TLE6: variants seen among roughly 807,000 people sequenced by gnomAD.
TLE6 encodes the protein transducin-like enhancer protein 6.
TLE6 carries 72 observed loss-of-function variants against 77.1 expected under a neutral mutation model. The observed-to-expected ratio is 0.93, with a 90% confidence interval of 0.77 to 1.14. TLE6 has a LOEUF of 1.14. Ranked by LOEUF, TLE6 falls within the 50% of genes most tolerant of loss-of-function variation. TLE6 has a pLI of 0.00. For missense variants in TLE6, 843 were observed against 747.6 expected (o/e 1.13, Z -1.49); for synonymous variants, 366 against 287.3 (o/e 1.27, Z -2.77).
At chr19:2,991,006 T>TTACATACATACATACA (rs200186447) in intron 13 of TLE6, among the ~76,000 whole-genome samples, 9 of 103,080 alleles carry the variant, frequency 8.7e-5, no homozygotes, top group African/African-American at 2.8e-4. Context: ...AAAAAAAATT[T>TTACATACATACATACA]TACATACATA....
intron 5 of TLE6, among the ~76,000 whole-genome samples, chr19:2,986,071 CAAAAAAAAAAAAAAAAAAAAA>C (rs547031586): frequency 3.1e-4 from 13 of 41,274 alleles, no homozygotes; most frequent in South Asian, 4.2e-3. Flanking sequence ...GAGACTGTCT[CAAAAAAAAAAAAAAAAAAAAA>C]AAAAAAAAAA....
At chr19:2,985,575 ATT>A (rs1233284629) in intron 5 of TLE6, among the ~76,000 whole-genome samples, 78 of 125,328 alleles carry the variant, frequency 6.2e-4, no homozygotes, top group Middle Eastern at 4.2e-3. Flanking sequence ...TGCCTGGCTA[ATT>A]TTTTTTTTTT....
At chr19:2,991,411 C>T (rs1032978643) in intron 13 of TLE6, among the ~76,000 whole-genome samples, 6 of 147,954 alleles carry the variant, frequency 4.1e-5, no homozygotes, top group Admixed American at 2.0e-4. Flanking sequence ...CACACACACA[C>T]ACACACACAC....
chr19:2,982,140 C>A lies in TLE6; in HGVS notation c.181-8C>A, dbSNP rs1228289310. 1 of 1,551,526 alleles carries A rather than the reference C, an allele frequency of 6.4e-7. No homozygotes were observed. The highest frequency in any genetic ancestry group is 1.2e-5 in the South Asian group (1 of 84,050). ...CCTCCCGATGGGATCTCTGTTTTCC[C>A]TTTGCAGCTGCACAAGATCCAGCAG... is the stretch of plus-strand genomic sequence containing the variant. On this transcript the variant is annotated splice_region_variant and splice_polypyrimidine_tract_variant and intron_variant, in intron 4 of 16. Coordinates refer to ENST00000246112, the MANE Select transcript of TLE6 (RefSeq NM_001143986.2).
chr19:2,994,347 AC>A (rs1482458323), intron 16 of TLE6, among the ~76,000 whole-genome samples: 2 of 152,206 alleles, frequency 1.3e-5, no homozygotes, highest in African/African-American at 4.8e-5. Context: ...GCGGTGGCTC[AC>A]GCCTGTAATC....
chr19:2,983,199 G>A (rs948829593), intron 5 of TLE6, among the ~76,000 whole-genome samples: 4 of 152,138 alleles, frequency 2.6e-5, no homozygotes, highest in Non-Finnish European at 5.9e-5. Context: ...ACCAAAACAT[G>A]GTTATTCATT....
chr19:2,985,407 T>TTTTC, intron 5 of TLE6, among the ~76,000 whole-genome samples: 1 of 139,836 alleles, frequency 7.2e-6, no homozygotes, highest in Non-Finnish European at 1.6e-5. Context: ...GCCTTTTTTT[T>TTTTC]TTTTTTTTTT....
rs1201785096 is a variant in TLE6, at chr19:2,981,518, C to T, written c.135-20C>T. ...GTCCTGAAGCCACAGGTCTTCCAGC[C>T]TGTCCTCCTTCCCCCTCAGGTTTTC... On this transcript the variant is annotated intron_variant, in intron 3 of 16. Transcript: ENST00000246112. The T allele has an allele frequency of 6.4e-7, 1 of 1,551,454 alleles. No homozygotes were observed. Among genetic ancestry groups the T allele is most frequent in the Admixed American group, 2.0e-5 (1 of 50,968 alleles).
At chr19:2,988,889 A>T in intron 11 of TLE6, 172 bp from the exon 12 acceptor site, 2 of 958,718 alleles carry the variant, frequency 2.1e-6, no homozygotes, top group Non-Finnish European at 3.0e-6. Flanking sequence ...CAAAGGGACA[A>T]TACTTGAAGG....
chr19:2,992,668 G>C (rs1007327733), intron 14 of TLE6, among the ~76,000 whole-genome samples: 2 of 151,262 alleles, frequency 1.3e-5, no homozygotes, highest in African/African-American at 4.9e-5. Flanking sequence ...GCAGCTAGTT[G>C]GGAGGCTGAG....
At chr19:2,988,543 A>G (rs926571713) in intron 11 of TLE6, among the ~76,000 whole-genome samples, 1 of 152,066 alleles carries the variant, frequency 6.6e-6, no homozygotes, top group African/African-American at 2.4e-5. Flanking sequence ...GGTTGCAGTG[A>G]GTTGAGATCG....
At position 2,991,281 on chromosome 19, in the gene TLE6, C is replaced by T. The variant is rs924239178; in HGVS notation, c.1245-562C>T. The stretch of plus-strand genomic sequence containing the variant: ...GGCTGAGGCAGGAGAATCGCTTGAA[C>T]CCAGGAGGCAGAGGTTGCAGTGAGC... On this transcript the variant is annotated intron_variant, in intron 13 of 16. Transcript: ENST00000246112. Among the ~76,000 whole-genome samples the T allele has an allele frequency of 2.1e-4, 32 of 150,090 alleles. 1 individual carries two copies. The highest frequency in any genetic ancestry group is 7.8e-4 in the African/African-American group (32 of 40,822).
At chr19:2,989,356 A>AC in intron 12 of TLE6, 43 bp downstream of exon 12, 5 of 1,605,348 alleles carry the variant, frequency 3.1e-6, no homozygotes, top group Non-Finnish European at 4.3e-6. Flanking sequence ...GCTTCTGGGA[A>AC]CAGGGGGTTT....
intron 5 of TLE6, among the ~76,000 whole-genome samples, chr19:2,982,928 G>T (rs1262457163): frequency 1.3e-5 from 2 of 152,136 alleles, no homozygotes; most frequent in Non-Finnish European, 2.9e-5. Context: ...GGGGCCATAT[G>T]ACATGGGAGT....
chr19:2,991,000 A>C (rs1487671129), intron 13 of TLE6, among the ~76,000 whole-genome samples: 1 of 146,370 alleles, frequency 6.8e-6, no homozygotes, highest in Non-Finnish European at 1.5e-5. Context: ...GACTCAAAAA[A>C]AAATTTTACA....
chr19:2,986,826 T>C lies in TLE6; in HGVS notation c.223-3T>C, dbSNP rs772566203. The C allele has an allele frequency of 1.3e-6, 2 of 1,551,686 alleles. No homozygotes were observed. Among genetic ancestry groups the C allele is most frequent in the Non-Finnish European group, 8.7e-7 (1 of 1,146,980 alleles). On this transcript the variant is annotated splice_region_variant and splice_polypyrimidine_tract_variant and intron_variant, in intron 5 of 16. Coordinates refer to ENST00000246112, the MANE Select transcript of TLE6 (RefSeq NM_001143986.2). ...AACTGTTTTGCTGCCAACCTCCTTCTAGATAGGAAACGTCTTACAGATTGT... is the reference window on the plus strand; with the variant it reads ...AACTGTTTTGCTGCCAACCTCCTTCCAGATAGGAAACGTCTTACAGATTGT...
chr19:2,985,908 T>C (rs960269336), intron 5 of TLE6, among the ~76,000 whole-genome samples: 4 of 149,242 alleles, frequency 2.7e-5, no homozygotes, highest in African/African-American at 9.9e-5. Context: ...AAACCCTGTC[T>C]CCACCAAAAA....
chr19:2,989,398 G>T, intron 12 of TLE6, 85 bp downstream of exon 12: 7 of 1,587,000 alleles, frequency 4.4e-6, no homozygotes, highest in Non-Finnish European at 5.1e-6. Context: ...CCAGATCGTG[G>T]AGAGAGGGCT....
chr19:2,995,055 T>A lies in TLE6; in HGVS notation c.*51T>A, dbSNP rs569344985. ...CCGGCTCCTCTTTTCATCCCCCCCC[T>A]TCCCCCCCCCCAACAAGGGGGACAT... On this transcript the variant is annotated 3_prime_UTR_variant, in exon 17 of 17. Coordinates refer to ENST00000246112, the MANE Select transcript of TLE6 (RefSeq NM_001143986.2). 74 of 937,060 alleles carry A rather than the reference T, an allele frequency of 7.9e-5. No individual in the cohort carries two copies. In the South Asian group the frequency reaches 9.9e-4, roughly 13 times the overall value. 58.0% of individuals were successfully genotyped at this position (937,060 alleles called of 1,614,324 possible).
Sources: allele counts gnomAD v4.1 joint callset (sites outside exome capture counted in the v4.1 genomes callset), GRCh38; gene constraint gnomAD v4.1.1; transcripts MANE v1.5; gene names NCBI Gene and HGNC (gene_info 2026-07-23, HGNC 2026-07-21).